RNF213: variants seen among roughly 807,000 people sequenced by gnomAD.
RNF213 encodes the protein ring finger protein 213.
A neutral mutation model predicts 514.4 loss-of-function variants in RNF213; 341 were observed. The observed-to-expected ratio is 0.66, with a 90% CI of 0.61 to 0.73. The LOEUF (loss-of-function observed/expected upper bound fraction) is 0.73. Among genes scored for constraint, RNF213 ranks in the 30% least tolerant of loss-of-function variants. RNF213 has a pLI of 0.00. For missense variants in RNF213, 5,767 were observed against 6,615.6 expected, an observed-to-expected ratio of 0.87 and a Z score of 4.45; for synonymous variants, 2,655 against 2,658.2, an observed-to-expected ratio of 1.00 and a Z score of 0.04.
chr17:80,278,307 C>T (rs939199026), intron 3 of RNF213, among the ~76,000 whole-genome samples: 3 of 152,244 alleles, frequency 2.0e-5, no homozygotes, highest in Non-Finnish European at 4.4e-5. Flanking sequence ...TGCCCGCCTC[C>T]GCCTCTAGGG....
At chr17:80,389,071 C>G (rs763727729) in intron 64 of RNF213, 102 bp from the exon 65 acceptor site, 42 of 1,129,048 alleles carry the variant, frequency 3.7e-5, no homozygotes, top group Non-Finnish European at 4.9e-5. Flanking sequence ...GTTGGCCCCC[C>G]GCATGTGGCT....
chr17:80,366,670 A>T (rs1252178425), intron 42 of RNF213, among the ~76,000 whole-genome samples: 2 of 7,284 alleles, frequency 2.7e-4, no homozygotes, highest in African/African-American at 1.3e-3. Flanking sequence ...GCTCAAAATA[A>T]AAAAAAAAAA....
chr17:80,383,838 G>A lies in RNF213; in HGVS notation c.14232G>A (p.Arg4744=). 1 of 1,614,136 alleles carries A rather than the reference G, an allele frequency of 6.2e-7. No individual in the cohort carries two copies. The highest frequency in any genetic ancestry group is 8.5e-7 in the Non-Finnish European group (1 of 1,180,026). The part of the protein sequence containing the change: ...VVHCSKIWSC[R]KRITVEYLQH... ...ATTGCTCTAAGATTTGGAGCTGCAG[G>A]AAAAGAATTACAGTTGAGTACCTCC... is the stretch of plus-strand genomic sequence containing the variant. The change falls in exon 59 of 68, where the codon AGG becomes AGA. Residue 4744 remains arginine, a synonymous_variant. Coordinates refer to ENST00000582970, the MANE Select transcript of RNF213 (RefSeq NM_001256071.3).
rs145473499 is a variant in RNF213, at chr17:80,377,866, G to A, written c.13545+70G>A. 1.2e-4 allele frequency: 183 copies of A among 1,561,738 alleles called. 1 individual carries two copies. The African/African-American group carries it at 2.4e-3, about 20-fold the overall frequency. Reference sequence around the variant, plus strand: ...TCCTGGGTTGGAGGAGGGGGATCGTGGGTCAGGAGAGTGAGGCTCTCGGCC... The same window carrying A: ...TCCTGGGTTGGAGGAGGGGGATCGTAGGTCAGGAGAGTGAGGCTCTCGGCC... On this transcript the variant is annotated intron_variant, in intron 54 of 67. Coordinates refer to ENST00000582970, the MANE Select transcript of RNF213 (RefSeq NM_001256071.3). This position sits in a 1 kb window ranked among gnomAD's most constrained non-coding sequence, Gnocchi z 4.1.
chr17:80,283,330 C>G (rs1319328726), intron 3 of RNF213, among the ~76,000 whole-genome samples: 2 of 152,098 alleles, frequency 1.3e-5, no homozygotes, highest in Non-Finnish European at 2.9e-5. Context: ...GAGGTGTCAG[C>G]CCTGCAGGTG....
chr17:80,390,037 G>C lies in RNF213; in HGVS notation c.15311G>C (p.Arg5104Thr). The C allele has an allele frequency of 1.2e-6, 2 of 1,614,230 alleles. No homozygotes were observed. The highest frequency in any genetic ancestry group is 1.7e-6 in the Non-Finnish European group (2 of 1,180,042). Residue 5104 changes from arginine to threonine, a missense_variant, in exon 67 of 68, where the codon AGG becomes ACG. By Grantham distance (71) the Arg-to-Thr change is moderately conservative. This residue lies in a region of RNF213 where 1,245 missense variants were observed against 1,339.0 expected (regional missense o/e 0.93). Transcript: ENST00000582970. ...GAGCCATTTGGGGAAATCAGTTCAA[G>C]GTACAAAGCGGATCTGAGCCCGGAA... ...HKEPFGEISS[R>T]YKADLSPENA...
In RNF213 at chr17:80,346,975, C is replaced by T; in HGVS notation, c.8640C>T (p.Gly2880=). ...EDDPAPHKKV[G]FVGISNWALD... is the part of the protein sequence containing the mutation. ...ATCCCGCCCCCCACAAAAAGGTCGG[C>T]TTCGTGGGCATCTCCAACTGGGCCC... Residue 2880 remains glycine (G), a synonymous_variant, in exon 29 of 68, where the codon GGC becomes GGT. Transcript: ENST00000582970. The surrounding 1 kb of genome is among the most constrained non-coding windows in gnomAD (Gnocchi z 8.1). 1.2e-6 allele frequency: 2 copies of T among 1,613,812 alleles called. No individual in the cohort carries two copies. The highest frequency in any genetic ancestry group is 1.7e-6 in the Non-Finnish European group (2 of 1,179,876).
Position 80,380,205 on chromosome 17 carries a change from G to A in RNF213, c.13640+491G>A, listed in dbSNP as rs148682884. 6.3e-3 allele frequency among the ~76,000 whole-genome samples: 960 copies of A among 152,272 alleles called. 2 individuals carry two copies. The highest frequency in any genetic ancestry group is 0.027 in the Middle Eastern group (8 of 294). On this transcript the variant is annotated intron_variant, in intron 55 of 67. Coordinates refer to ENST00000582970, the MANE Select transcript of RNF213 (RefSeq NM_001256071.3). ...GACTTCAGAATCCAGGTACAAATCC[G>A]ATCCCACAATCCCATGCTGAGATGA... is the stretch of plus-strand genomic sequence containing the variant.
chr17:80,350,890 G>GTTTT (rs1220806811), intron 31 of RNF213, among the ~76,000 whole-genome samples: 2 of 152,220 alleles, frequency 1.3e-5, no homozygotes, highest in African/African-American at 2.4e-5. Context: ...TTGTAGACAT[G>GTTTT]TTTTGGTCAT....
At chr17:80,371,694 A>G in intron 46 of RNF213, 180 bp from the exon 47 acceptor site, 1 of 533,700 alleles carries the variant, frequency 1.9e-6, no homozygotes, top group Non-Finnish European at 3.4e-6. Context: ...TGTGAGTTTT[A>G]TATTCCTCCA....
At chr17:80,390,244 G>A in intron 67 of RNF213, 48 bp downstream of exon 67, 1 of 1,571,336 alleles carries the variant, frequency 6.4e-7, no homozygotes, top group Non-Finnish European at 8.8e-7. Context: ...ATGTTGTGCT[G>A]TCTCTCCTGT....
rs115604492 is a variant in RNF213, at chr17:80,284,081, C to T, written c.262-3734C>T. Among the ~76,000 whole-genome samples, 680 of 151,430 alleles carry T rather than the reference C, an allele frequency of 4.5e-3. 7 individuals are homozygous for T. Among genetic ancestry groups the T allele is most frequent in the African/African-American group, 0.016 (653 of 41,200 alleles). On this transcript the variant is annotated intron_variant, in intron 3 of 67. Transcript: ENST00000582970. ...GTACTAAAAATATGAAAATTACGGC[C>T]GGGCACAGTAGCTCACGCCTGGAAT...
chr17:80,276,446 A>T (rs2145181036), intron 3 of RNF213, among the ~76,000 whole-genome samples: 1 of 152,224 alleles, frequency 6.6e-6, no homozygotes, highest in East Asian at 1.9e-4. Context: ...TACTAGTGGA[A>T]ATCTGCTTGA....
At position 80,332,021 on chromosome 17, in the gene RNF213, T is replaced by C. The variant is rs1242995966; in HGVS notation, c.3533T>C (p.Leu1178Pro). Residue 1178 changes from leucine (L) to proline (P), a missense_variant, in exon 21 of 68, where the codon CTT becomes CCT. Leu to Pro is a moderately conservative substitution (Grantham distance 98). Transcript: ENST00000582970. ...KHLIQVDFGV[L>P]AVRHSQDLSS... is the part of the protein sequence containing the mutation. ...GCTTCTAAAGTGGACTTTGGAGTGC[T>C]TGCAGTAAGACACTCACAAGACCTC... 3.9e-6 allele frequency: 6 copies of C among 1,535,290 alleles called. No homozygotes were observed. The South Asian group carries it at 7.1e-5, about 18-fold the overall frequency.
At position 80,386,692 on chromosome 17, in the gene RNF213, A is replaced by C. The variant is rs770683115; in HGVS notation, c.14723A>C (p.Tyr4908Ser). ...VEKLSKENNSYSVDAAEVTEL... is the reference protein window; with the variant it reads ...VEKLSKENNSSSVDAAEVTEL... ...AGCGCTGTCTTTCTGCCCCTCAGCT[A>C]TTCCGTGGATGCCGCCGAGGTCACT... Residue 4908 changes from tyrosine to serine, a missense_variant and splice_region_variant, in exon 63 of 68, where the codon TAT becomes TCT. Tyr to Ser is a moderately radical substitution (Grantham distance 144, BLOSUM62 -2). Around this residue, in one of 13 missense-constraint regions of RNF213, gnomAD observed 1,245 missense variants for 1,339.0 expected, o/e 0.93. Transcript: ENST00000582970. 1 of 1,614,162 alleles carries C rather than the reference A, an allele frequency of 6.2e-7. No individual in the cohort carries two copies. Among genetic ancestry groups the C allele is most frequent in the Non-Finnish European group, 8.5e-7 (1 of 1,180,020 alleles).
At chr17:80,336,773 G>A (rs2077999154) in intron 23 of RNF213, 6 of 347,662 alleles carry the variant, frequency 1.7e-5, no homozygotes, top group African/African-American at 8.6e-5. Flanking sequence ...GCATGGTGGT[G>A]TGCGCCTGTA....
chr17:80,303,903 T>C (rs887993285), intron 11 of RNF213, among the ~76,000 whole-genome samples: 13 of 150,460 alleles, frequency 8.6e-5, no homozygotes, highest in African/African-American at 1.7e-4. Context: ...TAATTAAAGC[T>C]ACAACAAAGC....
intron 17 of RNF213, among the ~76,000 whole-genome samples, chr17:80,323,943 T>C (rs1355216140): frequency 6.6e-6 from 1 of 152,100 alleles, no homozygotes; most frequent in East Asian, 1.9e-4. Context: ...TCCTGCAACA[T>C]TGCTGAGCTC....
intron 8 of RNF213, 78 bp downstream of exon 8, chr17:80,291,905 T>G (rs1004322665): frequency 9.3e-6 from 14 of 1,498,808 alleles, no homozygotes; most frequent in Non-Finnish European, 1.3e-5. Flanking sequence ...CGCGTCTCTC[T>G]GGAGAGCACA....
Sources: gnomAD v4.1 joint callset for allele counts (sites outside exome capture counted in the v4.1 genomes callset) on GRCh38, gnomAD v4.1.1 for gene constraint, gnomAD v4.1.1 regional missense constraint, Gnocchi (gnomAD v3.1) non-coding constraint, MANE v1.5 for transcripts, NCBI Gene and HGNC (gene_info 2026-07-23, HGNC 2026-07-21) for gene names.